The following TAF7L variants were observed in gnomAD, a reference collection of about 807,000 sequenced individuals.
The protein encoded by TAF7L is transcription initiation factor TFIID subunit 7-like.
A neutral mutation model predicts 30.2 loss-of-function variants in TAF7L; 6 were observed. That is an observed-to-expected ratio of 0.20 (90% CI 0.11 to 0.39). The LOEUF (loss-of-function observed/expected upper bound fraction) is 0.39, where lower values mean the gene tolerates loss of function less well. Among genes scored for constraint, TAF7L ranks in the 10% least tolerant of loss-of-function variants. The pLI is 1.00. For synonymous variants in TAF7L, 93 were observed against 94.5 expected, an observed-to-expected ratio of 0.98 and a Z score of 0.09; for missense variants, 284 against 277.1, an observed-to-expected ratio of 1.03 and a Z score of -0.18.
In TAF7L at chrX:101,269,102, G is replaced by T; in HGVS notation, c.*91C>A. The T allele has an allele frequency of 1.3e-6, 1 of 779,881 alleles. No homozygotes were observed. Among genetic ancestry groups the T allele is most frequent in the Non-Finnish European group, 1.9e-6 (1 of 519,795 alleles). The allele number at this position is 779,881 out of a possible 1,213,427, so 64.3% of individuals were successfully genotyped here. A position where few individuals can be genotyped will look rare whatever the true frequency, so the allele number is the denominator to read the frequency against. On this transcript the variant is annotated 3_prime_UTR_variant, in exon 13 of 13. Transcript: ENST00000356784. ...ATAAATATAACTGATTCAACATAAG[G>T]CAACTGAAGGGACAAAAACGTGCAC...
intron 12 of TAF7L, 64 bp downstream of exon 12, chrX:101,275,158 G>A (rs1602951427): frequency 1.2e-6 from 1 of 823,299 alleles, no homozygotes; most frequent in Non-Finnish European, 1.8e-6. Flanking sequence ...AATGATATTG[G>A]AATTGAAGTG....
chrX:101,277,621 C>G lies in TAF7L; in HGVS notation c.676G>C (p.Gly226Arg), dbSNP rs1316623308. The G allele has an allele frequency of 1.2e-5, 14 of 1,189,169 alleles. No individual in the cohort carries two copies. The highest frequency in any genetic ancestry group is 1.5e-5 in the Non-Finnish European group (13 of 885,800). The change falls in exon 9 of 13, where the codon GGT becomes CGT. Residue 226 changes from glycine (G) to arginine (R), a missense_variant. Transcript: ENST00000356784. ...ACTAAAGTACCTGACGAGGTATGAC[C>G]CTGCTTGTGGCTGCTCATTCCCGAG... ...ISSGMSSHKQ[G>R]HTSSEYDMLR... is the part of the protein sequence containing the mutation.
At position 101,280,220 on chromosome X, in the gene TAF7L, C is replaced by T. The variant is rs932940699; in HGVS notation, c.463-1185G>A. Among the ~76,000 whole-genome samples, 9 of 111,623 alleles carry T rather than the reference C, an allele frequency of 8.1e-5. No homozygotes were observed. In the South Asian group the frequency reaches 3.0e-3, roughly 37 times the overall value. On this transcript the variant is annotated intron_variant, in intron 6 of 12. Transcript: ENST00000356784. ...ACGAAGAGGATGGAAAGACAAGCTA[C>T]AGACTGGGAGAATATATTTGCAAAC...
At chrX:101,290,179 AGAGT>A (rs771814457) in intron 1 of TAF7L, among the ~76,000 whole-genome samples, 129 of 110,860 alleles carry the variant, frequency 1.2e-3, no homozygotes, top group Middle Eastern at 4.6e-3. Flanking sequence ...CTTGGGTGAC[AGAGT>A]GAGACTCCTT....
In TAF7L at chrX:101,275,236, G is replaced by A. The variant is rs755455451; in HGVS notation, c.1072C>T (p.Gln358Ter). 1.7e-6 allele frequency: 2 copies of A among 1,179,272 alleles called. No homozygotes were observed. The highest frequency in any genetic ancestry group is 1.1e-6 in the Non-Finnish European group (1 of 879,148). ...VLEQLELQEK[Q>*]KNEKLISLQE... Reference sequence around the variant, plus strand: ...ATACTTCTTACCTTCTCATTTTTTTGTTTTTCCTGTAACTCAAGCTGCTCC... The same window carrying A: ...ATACTTCTTACCTTCTCATTTTTTTATTTTTCCTGTAACTCAAGCTGCTCC... Residue 358 changes from glutamine (Q) to a stop codon, truncating the protein, a stop_gained, in exon 12 of 13, where the codon CAA (glutamine) becomes TAA (stop). Coordinates refer to ENST00000356784, the MANE Select transcript of TAF7L (RefSeq NM_001168474.2). LOFTEE classifies it high-confidence loss of function.
chrX:101,292,859 T>C, upstream of TAF7L: 1 of 1,211,364 alleles, frequency 8.3e-7, no homozygotes, highest in Non-Finnish European at 1.1e-6. Context: ...TCCGTTTGAG[T>C]GTCCTCGTCG....
intron 3 of TAF7L, among the ~76,000 whole-genome samples, chrX:101,283,930 C>A: frequency 9.6e-6 from 1 of 103,915 alleles, no homozygotes. Context: ...TAGAAGCATT[C>A]AATCGTGTCA....
chrX:101,287,350 T>C, intron 2 of TAF7L, 128 bp downstream of exon 2: 1 of 573,656 alleles, frequency 1.7e-6, no homozygotes, highest in Admixed American at 3.7e-5. Flanking sequence ...CAGAACATGA[T>C]TCCTGGGAAA....
At chrX:101,291,864 GA>G (rs34120347), upstream of TAF7L, among the ~76,000 whole-genome samples, 14 of 91,116 alleles carry the variant, frequency 1.5e-4, no homozygotes, top group Admixed American at 7.4e-4. Flanking sequence ...GACTCTGTCC[GA>G]AAAAAAAAAA....
intron 1 of TAF7L, among the ~76,000 whole-genome samples, chrX:101,290,384 T>G (rs1032091238): frequency 4.2e-4 from 47 of 111,784 alleles, no homozygotes; most frequent in African/African-American, 1.3e-3. Context: ...AGAGAGTTGA[T>G]CGAAATAAAT....
chrX:101,290,933 A>T (rs1220291360), intron 1 of TAF7L, among the ~76,000 whole-genome samples: 1 of 111,377 alleles, frequency 9.0e-6, no homozygotes, highest in Admixed American at 9.5e-5. Flanking sequence ...AAGTCAGTAC[A>T]CGCCTAAATG....
upstream of TAF7L, among the ~76,000 whole-genome samples, chrX:101,291,687 A>G (rs1425810894): frequency 3.7e-5 from 4 of 109,093 alleles, no homozygotes; most frequent in Non-Finnish European, 1.9e-5. Context: ...CAACATGATG[A>G]AACCCCCGTC....
At chrX:101,292,777 A>T (rs1408573494), upstream of TAF7L, 7 of 1,198,115 alleles carry the variant, frequency 5.8e-6, no homozygotes, top group Non-Finnish European at 7.9e-6. Context: ...AACAAGCTTA[A>T]AAAACCACCT....
At chrX:101,291,738 C>T (rs1204248014), upstream of TAF7L, among the ~76,000 whole-genome samples, 4 of 109,526 alleles carry the variant, frequency 3.7e-5, no homozygotes, top group South Asian at 4.0e-4. Flanking sequence ...TGGTTGCGCG[C>T]GCCTGTAGTC....
chrX:101,288,233 C>G (rs2056956655), intron 1 of TAF7L, among the ~76,000 whole-genome samples: 1 of 108,975 alleles, frequency 9.2e-6, no homozygotes, highest in Non-Finnish European at 1.9e-5. Flanking sequence ...CCTCCGCCTC[C>G]CAGGTTCAAG....
intron 9 of TAF7L, 117 bp from the exon 10 acceptor site, chrX:101,276,645 AT>A: frequency 1.3e-6 from 1 of 773,061 alleles, no homozygotes; most frequent in Non-Finnish European, 1.9e-6. Flanking sequence ...TTTATAAATC[AT>A]TTTTTCATGC....
intron 6 of TAF7L, among the ~76,000 whole-genome samples, chrX:101,281,072 A>C (rs1569511447): frequency 9.0e-6 from 1 of 111,612 alleles, no homozygotes; most frequent in Non-Finnish European, 1.9e-5. Context: ...ATGAACTTAC[A>C]CATGGGATAA....
At chrX:101,270,920 G>A (rs1923945443) in intron 12 of TAF7L, among the ~76,000 whole-genome samples, 1 of 111,538 alleles carries the variant, frequency 9.0e-6, no homozygotes, top group Admixed American at 9.6e-5. Flanking sequence ...GAGCCAGTGT[G>A]CATGCTGCTT....
intron 12 of TAF7L, among the ~76,000 whole-genome samples, chrX:101,270,757 C>A (rs1180428819): frequency 9.0e-6 from 1 of 111,491 alleles, no homozygotes; most frequent in Non-Finnish European, 1.9e-5. Flanking sequence ...ACCACTTGCA[C>A]CTTTGAAGCT....
Sources: gnomAD v4.1 joint callset for allele counts (sites outside exome capture counted in the v4.1 genomes callset) on GRCh38, gnomAD v4.1.1 for gene constraint, MANE v1.5 for transcripts, NCBI Gene and HGNC (gene_info 2026-07-23, HGNC 2026-07-21) for gene names.